The following PDE1A variants were observed in gnomAD, a reference collection of about 807,000 sequenced individuals.
PDE1A encodes the protein phosphodiesterase 1A.
Under a neutral mutation model 61.7 loss-of-function variants are expected in PDE1A, and 35 were observed. The observed-to-expected ratio is 0.57, with a 90% CI of 0.43 to 0.75. The LOEUF (loss-of-function observed/expected upper bound fraction) is 0.75, where lower values mean the gene tolerates loss of function less well. PDE1A is among the 30% of genes least tolerant of loss of function. The pLI is 0.00. For missense variants in PDE1A, 597 were observed against 630.6 expected (o/e 0.95, Z 0.57); for synonymous variants, 232 against 213.2 (o/e 1.09, Z -0.77).
chr2:182,561,223 A>G, the PDE1A span, among the ~76,000 whole-genome samples: 1 of 151,946 alleles, frequency 6.6e-6, no homozygotes, highest in Admixed American at 6.6e-5. Flanking sequence ...ATCTTGAATT[A>G]ATTTTTGTAT....
At chr2:182,587,000 T>TG in the PDE1A span, among the ~76,000 whole-genome samples, 1 of 151,676 alleles carries the variant, frequency 6.6e-6, no homozygotes, top group Admixed American at 6.6e-5. Flanking sequence ...TTGGCAGGGG[T>TG]GGGGGGTGTA....
chr2:182,294,030 A>G (rs1347809132), intron 1 of PDE1A, among the ~76,000 whole-genome samples: 1 of 152,246 alleles, frequency 6.6e-6, no homozygotes, highest in African/African-American at 2.4e-5. Context: ...CATATATAGC[A>G]CAGCTACGCT....
At chr2:182,668,327 G>T in the PDE1A span, among the ~76,000 whole-genome samples, 1 of 152,210 alleles carries the variant, frequency 6.6e-6, no homozygotes, top group East Asian at 1.9e-4. Flanking sequence ...ACAAATGGTA[G>T]GAACCATGGA....
chr2:182,669,897 T>A, the PDE1A span, among the ~76,000 whole-genome samples: 2 of 152,174 alleles, frequency 1.3e-5, no homozygotes, highest in Non-Finnish European at 2.9e-5. Flanking sequence ...CCTTGTCTAT[T>A]AGGAACATCT....
chr2:182,155,979 T>C (rs1212300761), intron 13 of PDE1A, among the ~76,000 whole-genome samples: 1 of 152,168 alleles, frequency 6.6e-6, no homozygotes, highest in East Asian at 1.9e-4. Context: ...GCTGTTCTCA[T>C]GGTAGTGAAT....
At chr2:182,488,244 T>C (rs948795913) in intron 2 of PDE1A, among the ~76,000 whole-genome samples, 2 of 152,214 alleles carry the variant, frequency 1.3e-5, no homozygotes, top group Admixed American at 1.3e-4. Context: ...AAAATGTGAT[T>C]AACCAGTTTG....
chr2:182,419,679 A>G (rs1437050192), intron 1 of PDE1A, among the ~76,000 whole-genome samples: 1 of 152,086 alleles, frequency 6.6e-6, no homozygotes, highest in East Asian at 1.9e-4. Flanking sequence ...TTTTCATTCT[A>G]TCATTCATTC....
chr2:182,295,337 G>A (rs1036049771), intron 1 of PDE1A, among the ~76,000 whole-genome samples: 1 of 152,060 alleles, frequency 6.6e-6, no homozygotes, highest in Non-Finnish European at 1.5e-5. Flanking sequence ...GCCTCCCAAA[G>A]TGAATAAAAG....
chr2:182,519,890 A>G (rs961223484), intron 2 of PDE1A, among the ~76,000 whole-genome samples: 1 of 151,928 alleles, frequency 6.6e-6, no homozygotes, highest in Non-Finnish European at 1.5e-5. Flanking sequence ...AAAACAGTAT[A>G]TTATGCCAAA....
intron 10 of PDE1A, among the ~76,000 whole-genome samples, chr2:182,197,856 T>C (rs961463668): frequency 9.2e-5 from 14 of 151,960 alleles, no homozygotes; most frequent in African/African-American, 3.4e-4. Flanking sequence ...CCAACTTCTT[T>C]AATCTTTTTC....
intron 13 of PDE1A, among the ~76,000 whole-genome samples, chr2:182,169,435 A>G (rs1012805875): frequency 1.3e-5 from 2 of 152,134 alleles, no homozygotes; most frequent in African/African-American, 4.8e-5. Flanking sequence ...CTAAAATAAT[A>G]GTAAAGGCAG....
intron 2 of PDE1A, among the ~76,000 whole-genome samples, chr2:182,476,886 G>C (rs1305715405): frequency 1.4e-5 from 2 of 143,234 alleles, no homozygotes; most frequent in East Asian, 4.1e-4. Context: ...ACATGGCTAA[G>C]GTTTTCATAA....
intron 1 of PDE1A, among the ~76,000 whole-genome samples, chr2:182,344,513 C>CT (rs951361842): frequency 5.3e-5 from 8 of 152,032 alleles, no homozygotes; most frequent in Non-Finnish European, 1.0e-4. Flanking sequence ...CTCATCTTGG[C>CT]TTTTTTTAAC....
chr2:182,495,980 C>T (rs533928106), intron 2 of PDE1A, among the ~76,000 whole-genome samples: 13 of 152,282 alleles, frequency 8.5e-5, no homozygotes, highest in Non-Finnish European at 1.3e-4. Context: ...AGTGGGATAA[C>T]AAATACAAAG....
At chr2:182,644,128 T>TACACAC in the PDE1A span, among the ~76,000 whole-genome samples, 468 of 129,518 alleles carry the variant, frequency 3.6e-3, 4 homozygotes, top group African/African-American at 6.3e-3. Context: ...AATCAATGAT[T>TACACAC]ACACACACAC....
At chr2:182,568,828 A>G in the PDE1A span, among the ~76,000 whole-genome samples, 1 of 152,056 alleles carries the variant, frequency 6.6e-6, no homozygotes, top group Non-Finnish European at 1.5e-5. Flanking sequence ...GAAAAATCAC[A>G]TATGTGATCA....
the PDE1A span, among the ~76,000 whole-genome samples, chr2:182,531,407 AC>A: frequency 5.9e-5 from 9 of 151,544 alleles, no homozygotes; most frequent in Admixed American, 2.0e-4. Context: ...AATAATACTA[AC>A]CAAATGAACA....
chr2:182,619,650 G>T, the PDE1A span, among the ~76,000 whole-genome samples: 2 of 152,132 alleles, frequency 1.3e-5, no homozygotes, highest in Admixed American at 1.3e-4. Context: ...AATAGGACAA[G>T]ATTTTTTTCT....
At chr2:182,432,400 A>G (rs975712195) in intron 2 of PDE1A, among the ~76,000 whole-genome samples, 1 of 151,520 alleles carries the variant, frequency 6.6e-6, no homozygotes, top group African/African-American at 2.4e-5. Flanking sequence ...AAATTAAAGT[A>G]TCTTTTTTTA....
Sources: allele counts gnomAD v4.1 joint callset (sites outside exome capture counted in the v4.1 genomes callset), GRCh38; gene constraint gnomAD v4.1.1; transcripts MANE v1.5; gene names NCBI Gene and HGNC (gene_info 2026-07-23, HGNC 2026-07-21).